Variants in FAF2 observed in about 807,000 individuals in gnomAD.
FAF2 encodes the protein Fas associated factor family member 2, also known as FAS-associated factor 2.
FAF2 carries 9 observed loss-of-function variants against 62.3 expected under a neutral mutation model. The observed-to-expected ratio is 0.14, with a 90% CI of 0.09 to 0.25. The LOEUF (loss-of-function observed/expected upper bound fraction) is 0.25. Among genes scored for constraint, FAF2 ranks in the 10% least tolerant of loss-of-function variants. FAF2 has a pLI of 1.00. For synonymous variants in FAF2, 202 were observed against 198.0 expected (o/e 1.02, Z -0.17); for missense variants, 368 against 556.2 (o/e 0.66, Z 3.40).
intron 1 of FAF2, among the ~76,000 whole-genome samples, chr5:176,471,684 CTTTTT>C (rs70991555): frequency 1.6e-5 from 2 of 122,618 alleles, no homozygotes; most frequent in Admixed American, 8.4e-5. Flanking sequence ...CGCCCGGCCT[CTTTTT>C]TTTTTTTTTT....
intron 1 of FAF2, among the ~76,000 whole-genome samples, chr5:176,451,382 T>A (rs1381961545): frequency 6.6e-6 from 1 of 151,710 alleles, no homozygotes; most frequent in East Asian, 1.9e-4. Context: ...AAAAAAAAAT[T>A]TTTTTTTAAG....
At chr5:176,504,050 T>C (rs1755636857) in intron 10 of FAF2, among the ~76,000 whole-genome samples, 1 of 151,572 alleles carries the variant, frequency 6.6e-6, no homozygotes, top group South Asian at 2.1e-4. Context: ...GAGGTTACAG[T>C]AAGCCGAGAT....
At position 176,498,936 on chromosome 5, in the gene FAF2, G is replaced by T. The variant is rs1471683936; in HGVS notation, c.862G>T (p.Val288Leu). 1 of 1,603,934 alleles carries T rather than the reference G, an allele frequency of 6.2e-7. No homozygotes were observed. Among genetic ancestry groups the T allele is most frequent in the Middle Eastern group, 1.7e-4 (1 of 5,980 alleles). ...CAGGGAAGAAAGAAACCAGACCCAA[G>T]TGCTGAGACAACAGCAGGATGAGGC... is the stretch of plus-strand genomic sequence containing the variant. ...LEREERNQTQ[V>L]LRQQQDEAYL... Residue 288 changes from valine (V) to leucine (L), a missense_variant, in exon 9 of 11, where the codon GTG becomes TTG. By Grantham distance (32) the Val-to-Leu change is conservative. Transcript: ENST00000261942.
intron 1 of FAF2, among the ~76,000 whole-genome samples, chr5:176,467,288 A>G (rs1758487380): frequency 6.6e-6 from 1 of 151,902 alleles, no homozygotes. Flanking sequence ...AATTTGTACA[A>G]TGCTATCTCA....
intron 1 of FAF2, among the ~76,000 whole-genome samples, chr5:176,467,230 TAG>T (rs1758485765): frequency 6.7e-6 from 1 of 149,864 alleles, no homozygotes; most frequent in African/African-American, 2.5e-5. Context: ...CCTGAAAGAT[TAG>T]AGAGAGAAGG....
intron 10 of FAF2, 47 bp from the exon 11 acceptor site, chr5:176,506,721 A>G (rs374432072): frequency 6.6e-6 from 10 of 1,512,384 alleles, no homozygotes; most frequent in Non-Finnish European, 9.1e-6. Flanking sequence ...GTGTGTGTGT[A>G]TTTCTGTTTT....
At chr5:176,502,548 C>T (rs966461742) in intron 10 of FAF2, among the ~76,000 whole-genome samples, 13 of 151,836 alleles carry the variant, frequency 8.6e-5, no homozygotes, top group African/African-American at 2.9e-4. Context: ...CCATTGCACT[C>T]CAGCCTGGGC....
At chr5:176,499,880 T>G in intron 9 of FAF2, 123 bp from the exon 10 acceptor site, 1 of 1,141,902 alleles carries the variant, frequency 8.8e-7, no homozygotes, top group Non-Finnish European at 1.2e-6. Flanking sequence ...TGACTATTCC[T>G]GAGAGGTTTT....
intron 5 of FAF2, 58 bp downstream of exon 5, chr5:176,492,390 A>C (rs576860140): frequency 6.5e-7 from 1 of 1,545,558 alleles, no homozygotes; most frequent in South Asian, 1.2e-5. Flanking sequence ...TCCTCAAAGG[A>C]GAGCACAGCC....
rs1759023770 is a variant in FAF2, at chr5:176,494,268, A to G, written c.654A>G (p.Gly218=). ...FWACSTNKPE[G]YRVSQALREN... ...CATGCTCTACAAACAAACCTGAGGG[A>G]TACAGGGGTAAGTTATGTTTCTTCT... Residue 218 remains glycine, a synonymous_variant, in exon 7 of 11, where the codon GGA becomes GGG. Transcript: ENST00000261942. This position sits in a 1 kb window ranked among gnomAD's most constrained non-coding sequence, Gnocchi z 4.0. The G allele has an allele frequency of 3.1e-6, 5 of 1,612,508 alleles. No individual in the cohort carries two copies. The highest frequency in any genetic ancestry group is 4.2e-6 in the Non-Finnish European group (5 of 1,178,962).
At chr5:176,464,968 A>G (rs1282910637) in intron 1 of FAF2, among the ~76,000 whole-genome samples, 1 of 152,052 alleles carries the variant, frequency 6.6e-6, no homozygotes, top group African/African-American at 2.4e-5. Context: ...GCTCACTGCA[A>G]CCTCCGCCTT....
chr5:176,496,314 A>T (rs1755482391), intron 7 of FAF2, among the ~76,000 whole-genome samples, 172 bp from the exon 8 acceptor site: 1 of 152,218 alleles, frequency 6.6e-6, no homozygotes, highest in Admixed American at 6.5e-5. Flanking sequence ...CCCTGGCTCA[A>T]AAAAAGAAAA....
chr5:176,456,762 C>T (rs751012852), intron 1 of FAF2, among the ~76,000 whole-genome samples: 3 of 152,140 alleles, frequency 2.0e-5, no homozygotes, highest in Non-Finnish European at 2.9e-5. Flanking sequence ...CAGAGTTTTC[C>T]TGTTTATTTG....
At chr5:176,464,833 T>C (rs1156602208) in intron 1 of FAF2, among the ~76,000 whole-genome samples, 1 of 152,152 alleles carries the variant, frequency 6.6e-6, no homozygotes, top group Non-Finnish European at 1.5e-5. Context: ...TCAAAGCCTT[T>C]ACAAGATTAT....
In FAF2 at chr5:176,507,018, C is replaced by G. The variant is rs1755695565; in HGVS notation, c.*68C>G. 3 of 1,107,702 alleles carry G rather than the reference C, an allele frequency of 2.7e-6. No homozygotes were observed. In the South Asian group the frequency reaches 9.7e-5, roughly 36 times the overall value. The allele number at this position is 1,107,702 out of a possible 1,614,324, so 68.6% of individuals were successfully genotyped here. ...AAATGGGGAAAAAAGAAAACAACAG[C>G]AAGTCAGAAAAAAAAAACAAGAGAG... On this transcript the variant is annotated 3_prime_UTR_variant, in exon 11 of 11. Coordinates refer to ENST00000261942, the MANE Select transcript of FAF2 (RefSeq NM_014613.3).
chr5:176,492,220 A>C lies in FAF2; in HGVS notation c.371A>C (p.Asp124Ala), dbSNP rs1395381402. Residue 124 changes from aspartate to alanine, a missense_variant, in exon 5 of 11, where the codon GAC becomes GCC. Physicochemically the swap from Asp to Ala is moderately radical, Grantham distance 126. Coordinates refer to ENST00000261942, the MANE Select transcript of FAF2 (RefSeq NM_014613.3). ...TTTGCTCTTCGTTTTATACGGCCTG[A>C]CCCTCGCAGCCGGGTCACTGACCCC... The part of the protein sequence containing the change: ...FRFALRFIRP[D>A]PRSRVTDPVG... 1 of 1,613,978 alleles carries C rather than the reference A, an allele frequency of 6.2e-7. No individual in the cohort carries two copies. The highest frequency in any genetic ancestry group is 1.7e-5 in the Admixed American group (1 of 59,982).
rs762540433 is a variant in FAF2 at position 176,494,019 on chromosome 5, G to C, written c.504G>C (p.Arg168Ser). 1.2e-6 allele frequency: 2 copies of C among 1,613,720 alleles called. No homozygotes were observed. Among genetic ancestry groups the C allele is most frequent in the African/African-American group, 2.7e-5 (2 of 74,990 alleles). ...CACAGGCACTTAACGATGCCAAAAG[G>C]GAGCTTCGCTTTCTTTTGGTTTATC... ...TYSQALNDAK[R>S]ELRFLLVYLH... Residue 168 changes from arginine (R) to serine (S), a missense_variant, in exon 6 of 11, where the codon AGG (arginine) becomes AGC (serine). Physicochemically the swap from Arg to Ser is moderately radical, Grantham distance 110. Transcript: ENST00000261942. This position sits in a 1 kb window ranked among gnomAD's most constrained non-coding sequence, Gnocchi z 4.0.
At chr5:176,459,685 A>C (rs146713499) in intron 1 of FAF2, among the ~76,000 whole-genome samples, 1 of 152,026 alleles carries the variant, frequency 6.6e-6, no homozygotes, top group Non-Finnish European at 1.5e-5. Context: ...AATGACATAG[A>C]TATTTGTGTG....
At chr5:176,463,728 T>G (rs920598209) in intron 1 of FAF2, among the ~76,000 whole-genome samples, 8 of 151,394 alleles carry the variant, frequency 5.3e-5, no homozygotes, top group African/African-American at 1.7e-4. Flanking sequence ...TTGCATGTTT[T>G]TTTTTTTTTT....
Sources: gnomAD v4.1 joint callset for allele counts (sites outside exome capture counted in the v4.1 genomes callset) on GRCh38, gnomAD v4.1.1 for gene constraint, Gnocchi (gnomAD v3.1) non-coding constraint, MANE v1.5 for transcripts, NCBI Gene and HGNC (gene_info 2026-07-23, HGNC 2026-07-21) for gene names.